CHCHD3: variants seen among roughly 807,000 people sequenced by gnomAD.
CHCHD3 encodes MICOS complex subunit MIC19.
A neutral mutation model predicts 38.2 loss-of-function variants in CHCHD3; 20 were observed. The ratio of observed to expected loss-of-function variants is 0.52; its 90% CI spans 0.37 to 0.76. The LOEUF (loss-of-function observed/expected upper bound fraction) is 0.76, where lower values mean the gene tolerates loss of function less well. Ranked by LOEUF, CHCHD3 falls within the 30% of genes least tolerant of loss-of-function variation. CHCHD3 has a pLI of 0.00. For synonymous variants in CHCHD3, 82 were observed against 100.0 expected (o/e 0.82, Z 1.07); for missense variants, 245 against 279.2 (o/e 0.88, Z 0.87).
intron 4 of CHCHD3, among the ~76,000 whole-genome samples, chr7:132,974,373 A>T (rs1407460834): frequency 1.3e-5 from 2 of 152,152 alleles, no homozygotes; most frequent in African/African-American, 4.8e-5. Context: ...TTTTCTTTTT[A>T]AAAAAATTAT....
rs1811821193 is a variant in CHCHD3 at position 132,978,187 on chromosome 7, C to T, written c.252-2901G>A. On this transcript the variant is annotated intron_variant, in intron 3 of 7. Coordinates refer to ENST00000262570, the MANE Select transcript of CHCHD3 (RefSeq NM_017812.4). ...GTAAGTAGCAGTAATAATAATAGTA[C>T]CCACTATGCGGGTAGGAATACAGAG... 2.0e-5 allele frequency among the ~76,000 whole-genome samples: 3 copies of T among 152,106 alleles called. No homozygotes were observed. The South Asian group carries it at 6.2e-4, about 32-fold the overall frequency.
intron 5 of CHCHD3, among the ~76,000 whole-genome samples, chr7:132,840,235 T>G (rs1438019142): frequency 6.6e-6 from 1 of 152,204 alleles, no homozygotes; most frequent in Non-Finnish European, 1.5e-5. Flanking sequence ...TTTGCAATGT[T>G]TGGTGTAATC....
chr7:133,024,321 A>G (rs1214325636), intron 3 of CHCHD3, among the ~76,000 whole-genome samples: 2 of 152,196 alleles, frequency 1.3e-5, no homozygotes, highest in African/African-American at 4.8e-5. Context: ...CAAGCAACCA[A>G]TACAAGAGAT....
rs532413892 is a variant in CHCHD3 at position 132,838,632 on chromosome 7, T to A, written c.454-163A>T. On this transcript the variant is annotated intron_variant, in intron 5 of 7. Transcript: ENST00000262570. The stretch of plus-strand genomic sequence containing the variant: ...GATACTTATAAAACACATGTAAAGC[T>A]ACTCGTTTAAATAACAGTAGAGTTG... Among the ~76,000 whole-genome samples the A allele has an allele frequency of 2.0e-5, 3 of 152,352 alleles. No homozygotes were observed. The East Asian group carries it at 5.8e-4, about 29-fold the overall frequency.
At chr7:132,829,386 G>T (rs1394694850) in intron 6 of CHCHD3, among the ~76,000 whole-genome samples, 2 of 152,010 alleles carry the variant, frequency 1.3e-5, no homozygotes, top group Non-Finnish European at 2.9e-5. Context: ...ACCATGTAGG[G>T]TATACTAGAT....
In CHCHD3 at chr7:133,035,294, C is replaced by G. The variant is rs1584661921; in HGVS notation, c.170-10667G>C. 6.2e-7 allele frequency: 1 copy of G among 1,612,292 alleles called. No homozygotes were observed. Among genetic ancestry groups the G allele is most frequent in the Non-Finnish European group, 8.5e-7 (1 of 1,178,404 alleles). ...CATCAAACTGGGCCATCTTCTCACACAGTTTCAGTTCCCCCAAGACAGCCC... is the reference window on the plus strand; with the variant it reads ...CATCAAACTGGGCCATCTTCTCACAGAGTTTCAGTTCCCCCAAGACAGCCC... On this transcript the variant is annotated intron_variant, in intron 2 of 7. Transcript: ENST00000262570. This position sits in a 1 kb window ranked among gnomAD's most constrained non-coding sequence, Gnocchi z 4.7.
At position 132,925,613 on chromosome 7, in the gene CHCHD3, T is replaced by C. The variant is rs569500478; in HGVS notation, c.370-39868A>G. Among the ~76,000 whole-genome samples, 9 of 152,336 alleles carry C rather than the reference T, an allele frequency of 5.9e-5. No individual in the cohort carries two copies. The South Asian group carries it at 8.3e-4, about 14-fold the overall frequency. On this transcript the variant is annotated intron_variant, in intron 4 of 7. Transcript: ENST00000262570. ...AGTTTCTGTTACTTACATTTGGTTATTTAATTAATATTTGTGCAGACTCAT... is the reference window on the plus strand; with the variant it reads ...AGTTTCTGTTACTTACATTTGGTTACTTAATTAATATTTGTGCAGACTCAT...
intron 4 of CHCHD3, among the ~76,000 whole-genome samples, chr7:132,946,247 GAGAGAA>G (rs777514430): frequency 1.7e-4 from 26 of 151,776 alleles, no homozygotes; most frequent in Admixed American, 7.9e-4. Flanking sequence ...TATACAGACA[GAGAGAA>G]AGAGAAAGAG....
intron 6 of CHCHD3, among the ~76,000 whole-genome samples, chr7:132,820,485 C>T (rs1807333500): frequency 6.6e-6 from 1 of 152,124 alleles, no homozygotes; most frequent in Non-Finnish European, 1.5e-5. Context: ...CTTTCTCACT[C>T]TCTATAGGAA....
intron 4 of CHCHD3, chr7:132,972,791 A>G (rs1207485521): frequency 2.0e-6 from 2 of 985,318 alleles, no homozygotes; most frequent in East Asian, 2.3e-4. Context: ...GCTGAAATAC[A>G]GGAGTTGTGA....
At chr7:132,830,074 C>T (rs1370121291) in intron 6 of CHCHD3, among the ~76,000 whole-genome samples, 2 of 152,146 alleles carry the variant, frequency 1.3e-5, no homozygotes, top group Admixed American at 1.3e-4. Flanking sequence ...ATAGAGATCT[C>T]ACCCAAGGAA....
intron 4 of CHCHD3, among the ~76,000 whole-genome samples, chr7:132,963,482 A>C (rs975921341): frequency 6.6e-6 from 1 of 151,770 alleles, no homozygotes; most frequent in Non-Finnish European, 1.5e-5. Flanking sequence ...ATACAAAAAA[A>C]TTAGCCAGGC....
intron 4 of CHCHD3, among the ~76,000 whole-genome samples, chr7:132,941,317 C>T (rs1218453974): frequency 2.6e-5 from 4 of 152,152 alleles, no homozygotes; most frequent in Non-Finnish European, 5.9e-5. Context: ...CAGTTACTGC[C>T]TAGGCCCCAC....
At chr7:133,034,508 C>CTTTTTTTTTTTTTTTTTTTTTTTTATT (rs146912120) in intron 2 of CHCHD3, 1 of 277,140 alleles carries the variant, frequency 3.6e-6, no homozygotes, top group African/African-American at 3.8e-5. Flanking sequence ...TGGATCCAGT[C>CTTTTTTTTTTTTTTTTTTTTTTTTATT]TTTTTTTTTT....
At chr7:132,891,508 C>T (rs1029734626) in intron 4 of CHCHD3, among the ~76,000 whole-genome samples, 1 of 152,204 alleles carries the variant, frequency 6.6e-6, no homozygotes, top group African/African-American at 2.4e-5. Context: ...AAGTCTGGAA[C>T]TCAAACCCAA....
At chr7:133,030,651 T>C (rs1813475522) in intron 2 of CHCHD3, among the ~76,000 whole-genome samples, 1 of 152,248 alleles carries the variant, frequency 6.6e-6, no homozygotes, top group African/African-American at 2.4e-5. Flanking sequence ...ACTCTCCTTT[T>C]AGAAATGTGT....
intron 6 of CHCHD3, among the ~76,000 whole-genome samples, chr7:132,806,999 A>G (rs1395693628): frequency 3.3e-5 from 5 of 152,208 alleles, no homozygotes; most frequent in Non-Finnish European, 5.9e-5. Context: ...TTACAAAATG[A>G]GGCTGGTGAG....
intron 4 of CHCHD3, among the ~76,000 whole-genome samples, chr7:132,891,573 T>C (rs1277472034): frequency 6.6e-6 from 1 of 152,212 alleles, no homozygotes; most frequent in Non-Finnish European, 1.5e-5. Context: ...GTCTTCCCCT[T>C]CTCAGAGTTT....
intron 3 of CHCHD3, among the ~76,000 whole-genome samples, chr7:133,009,237 A>G (rs112689820): frequency 0.3 from 45,818 of 151,330 alleles, 7,039 homozygotes; most frequent in South Asian, 0.42. Flanking sequence ...GGTGGTGTGC[A>G]CCTGTAAGCC....
Sources: gnomAD v4.1 joint callset for allele counts (sites outside exome capture counted in the v4.1 genomes callset) on GRCh38, gnomAD v4.1.1 for gene constraint, Gnocchi (gnomAD v3.1) non-coding constraint, MANE v1.5 for transcripts, NCBI Gene and HGNC (gene_info 2026-07-23, HGNC 2026-07-21) for gene names.